Variants in KLHL4 observed in about 807,000 individuals in gnomAD.
KLHL4 encodes kelch like family member 4.
A neutral mutation model predicts 45.8 loss-of-function variants in KLHL4; 17 were observed. The ratio of observed to expected loss-of-function variants is 0.37; its 90% CI spans 0.25 to 0.56. The LOEUF is 0.56. Among genes scored for constraint, KLHL4 ranks in the 20% least tolerant of loss-of-function variants. The pLI, the probability that KLHL4 is intolerant of heterozygous loss-of-function variation, is 0.79. For missense variants in KLHL4, 544 were observed against 544.9 expected, an observed-to-expected ratio of 1.00 and a Z score of 0.02; for synonymous variants, 224 against 189.9, an observed-to-expected ratio of 1.18 and a Z score of -1.47.
intron 1 of KLHL4, among the ~76,000 whole-genome samples, chrX:87,609,097 TTTTA>T (rs1288684880): frequency 8.9e-6 from 1 of 111,839 alleles, no homozygotes; most frequent in Non-Finnish European, 1.9e-5. Flanking sequence ...ACTTATCCTT[TTTTA>T]TGGCTGCATA....
At chrX:87,541,252 C>T (rs1931546371) in intron 1 of KLHL4, among the ~76,000 whole-genome samples, 1 of 108,644 alleles carries the variant, frequency 9.2e-6, no homozygotes, top group South Asian at 4.1e-4. Context: ...TTTGGGAGGC[C>T]GAGGGGGGTG....
intron 1 of KLHL4, among the ~76,000 whole-genome samples, chrX:87,523,696 C>T (rs748318708): frequency 8.5e-4 from 95 of 111,724 alleles, no homozygotes; most frequent in Non-Finnish European, 1.4e-3. Context: ...GCCGTGGTGG[C>T]GCATGCCTGT....
At chrX:87,642,706 AC>A (rs1445729968) in intron 9 of KLHL4, among the ~76,000 whole-genome samples, 5 of 112,597 alleles carry the variant, frequency 4.4e-5, no homozygotes, top group Admixed American at 9.4e-5. Context: ...AAAGAAAAAA[AC>A]AATCAAAAAT....
At chrX:87,566,789 A>C (rs1280469357) in intron 1 of KLHL4, among the ~76,000 whole-genome samples, 1 of 111,591 alleles carries the variant, frequency 9.0e-6, no homozygotes, top group Non-Finnish European at 1.9e-5. Flanking sequence ...TTCAAAAATT[A>C]ATCAATGAAA....
In KLHL4 at chrX:87,667,903, A is replaced by T; in HGVS notation, c.*1369A>T. On this transcript the variant is annotated 3_prime_UTR_variant, in exon 11 of 11. Coordinates refer to ENST00000373119, the MANE Select transcript of KLHL4 (RefSeq NM_019117.5). ...TACAAAGATATTTGTACTTTGACAA[A>T]CTGAATTTAAATAAACTTTATTTCC... 1 of 686,970 alleles carries T rather than the reference A, an allele frequency of 1.5e-6. No homozygotes were observed. Among genetic ancestry groups the T allele is most frequent in the Non-Finnish European group, 1.7e-6 (1 of 577,915 alleles). The allele number at this position is 686,970 out of a possible 1,213,427, so 56.6% of individuals were successfully genotyped here. A position where few individuals can be genotyped will look rare whatever the true frequency, so the allele number is the denominator to read the frequency against.
intron 9 of KLHL4, among the ~76,000 whole-genome samples, chrX:87,652,702 A>G (rs1333550519): frequency 2.7e-5 from 3 of 111,733 alleles, no homozygotes; most frequent in Non-Finnish European, 5.6e-5. Flanking sequence ...AGACTCTAGG[A>G]AGTTCCAAAC....
At chrX:87,529,610 G>A (rs1400788711) in intron 1 of KLHL4, among the ~76,000 whole-genome samples, 1 of 111,388 alleles carries the variant, frequency 9.0e-6, no homozygotes, top group South Asian at 3.7e-4. Context: ...TGTGAGCCCT[G>A]CAGTGTAGAC....
intron 9 of KLHL4, among the ~76,000 whole-genome samples, chrX:87,636,864 C>T (rs1195486710): frequency 1.8e-5 from 2 of 110,186 alleles, no homozygotes; most frequent in Non-Finnish European, 3.8e-5. Context: ...CCTAACCCTG[C>T]CCCCACCTGA....
intron 6 of KLHL4, among the ~76,000 whole-genome samples, chrX:87,627,711 G>A (rs1276787288): frequency 2.7e-5 from 3 of 111,452 alleles, no homozygotes; most frequent in African/African-American, 9.8e-5. Context: ...AAGGTTTTTT[G>A]TTTGGCATTT....
At chrX:87,537,610 A>T (rs1931462634) in intron 1 of KLHL4, among the ~76,000 whole-genome samples, 1 of 111,178 alleles carries the variant, frequency 9.0e-6, no homozygotes, top group Non-Finnish European at 1.9e-5. Context: ...AGGTATAACT[A>T]ACTAAATATA....
rs1922941916 is a variant in KLHL4 at position 87,626,716 on chromosome X, C to T, written c.1324+920C>T. ...AAAAAGGGAGGAAAGATTTGCCTGACACAGTTCCCAGCTTGACTTTTCCTT... is the reference window on the plus strand; with the variant it reads ...AAAAAGGGAGGAAAGATTTGCCTGATACAGTTCCCAGCTTGACTTTTCCTT... On this transcript the variant is annotated intron_variant, in intron 6 of 10. Transcript: ENST00000373119. Among the ~76,000 whole-genome samples, 4 of 110,346 alleles carry T rather than the reference C, an allele frequency of 3.6e-5. No individual in the cohort carries two copies. The South Asian group carries it at 1.6e-3, about 43-fold the overall frequency.
At chrX:87,580,093 A>G (rs986323355) in intron 1 of KLHL4, among the ~76,000 whole-genome samples, 1 of 111,854 alleles carries the variant, frequency 8.9e-6, no homozygotes, top group Non-Finnish European at 1.9e-5. Flanking sequence ...GTGTAGAAAG[A>G]GAAGTAAATA....
chrX:87,599,507 A>G (rs1439989873), intron 1 of KLHL4, among the ~76,000 whole-genome samples: 1 of 111,547 alleles, frequency 9.0e-6, no homozygotes, highest in Non-Finnish European at 1.9e-5. Context: ...TCATACAACA[A>G]TGTTTCTGAA....
chrX:87,654,986 G>C (rs759433553), intron 9 of KLHL4, among the ~76,000 whole-genome samples: 170 of 111,439 alleles, frequency 1.5e-3, no homozygotes, highest in Non-Finnish European at 2.6e-3. Flanking sequence ...ACTTTTAATA[G>C]GGTTATTTGA....
chrX:87,647,791 C>T (rs1387985216), intron 9 of KLHL4, among the ~76,000 whole-genome samples: 1 of 111,048 alleles, frequency 9.0e-6, no homozygotes, highest in Non-Finnish European at 1.9e-5. Context: ...ACCAAAATCT[C>T]AGAAATAACC....
At chrX:87,564,632 A>G (rs1932170523) in intron 1 of KLHL4, among the ~76,000 whole-genome samples, 1 of 112,022 alleles carries the variant, frequency 8.9e-6, no homozygotes, top group South Asian at 3.7e-4. Flanking sequence ...ACCATCAAAA[A>G]GCATACATAG....
intron 1 of KLHL4, among the ~76,000 whole-genome samples, chrX:87,548,747 C>T (rs1369026133): frequency 4.7e-5 from 5 of 105,556 alleles, no homozygotes; most frequent in Non-Finnish European, 9.7e-5. Context: ...TCATGGTAAC[C>T]TCAAACCAAA....
intron 1 of KLHL4, among the ~76,000 whole-genome samples, chrX:87,547,041 C>T (rs767925852): frequency 6.3e-4 from 70 of 111,788 alleles, no homozygotes; most frequent in African/African-American, 2.2e-3. Context: ...TAGACTTAGA[C>T]TTTTCTGTTA....
chrX:87,554,760 T>C (rs1346331813), intron 1 of KLHL4, among the ~76,000 whole-genome samples: 3 of 102,722 alleles, frequency 2.9e-5, no homozygotes, highest in African/African-American at 1.1e-4. Flanking sequence ...CTATGTTGAA[T>C]AGGAGTGGTG....
Sources: allele counts gnomAD v4.1 joint callset (sites outside exome capture counted in the v4.1 genomes callset), GRCh38; gene constraint gnomAD v4.1.1; transcripts MANE v1.5; gene names NCBI Gene and HGNC (gene_info 2026-07-23, HGNC 2026-07-21).